JAKMIP3: variants seen among roughly 807,000 people sequenced by gnomAD.
The protein encoded by JAKMIP3 is janus kinase and microtubule-interacting protein 3.
A neutral mutation model predicts 118.5 loss-of-function variants in JAKMIP3; 58 were observed. That is an observed-to-expected ratio of 0.49 (90% confidence interval 0.40 to 0.61). The LOEUF is 0.61. Among genes scored for constraint, JAKMIP3 ranks in the 20% least tolerant of loss-of-function variants. The pLI is 0.00. For missense variants in JAKMIP3, 950 were observed against 1,109.0 expected, an observed-to-expected ratio of 0.86 and a Z score of 2.04; for synonymous variants, 486 against 451.2, an observed-to-expected ratio of 1.08 and a Z score of -0.98.
At position 132,153,016 on chromosome 10, in the gene JAKMIP3, C is replaced by T; in HGVS notation, c.2066C>T (p.Ala689Val). ...VIQARTVLTLAEKWLQQIEET... is the reference protein window; with the variant it reads ...VIQARTVLTLVEKWLQQIEET... ...CAAGCCAGGACAGTCCTGACCTTGG[C>T]CGAAAAGGTAACAGCAGCTGTGTGG... Residue 689 changes from alanine (A) to valine (V), a missense_variant, in exon 17 of 24, where the codon GCC (alanine) becomes GTC (valine). Ala to Val is a moderately conservative substitution (Grantham distance 64, BLOSUM62 0). Coordinates refer to ENST00000684848, the MANE Select transcript of JAKMIP3 (RefSeq NM_001323087.2). 2 of 1,607,000 alleles carry T rather than the reference C, an allele frequency of 1.2e-6. No homozygotes were observed. The highest frequency in any genetic ancestry group is 1.7e-6 in the Non-Finnish European group (2 of 1,176,968).
chr10:132,163,107 G>A (rs1020116114), intron 19 of JAKMIP3, 102 bp from the exon 20 acceptor site: 3 of 1,149,636 alleles, frequency 2.6e-6, no homozygotes, highest in African/African-American at 3.0e-5. Context: ...TATCCTCTTG[G>A]CCCTGCTCCC....
intron 2 of JAKMIP3, among the ~76,000 whole-genome samples, chr10:132,106,679 G>T (rs528315859): frequency 1.3e-5 from 2 of 152,232 alleles, no homozygotes; most frequent in Non-Finnish European, 2.9e-5. Context: ...CAGAGGCCCC[G>T]ACTCGCTGCA....
chr10:132,067,648 G>A (rs1198186464), intron 1 of JAKMIP3, among the ~76,000 whole-genome samples: 2 of 106,046 alleles, frequency 1.9e-5, no homozygotes, highest in African/African-American at 6.9e-5. Context: ...GTGGACTCTG[G>A]GCTTCCGTGT....
intron 1 of JAKMIP3, among the ~76,000 whole-genome samples, chr10:132,051,798 C>T (rs548398469): frequency 6.6e-5 from 10 of 152,254 alleles, no homozygotes; most frequent in South Asian, 4.2e-4. Flanking sequence ...GTAGAGATGG[C>T]GTTTCGCCAC....
intron 23 of JAKMIP3, among the ~76,000 whole-genome samples, chr10:132,174,268 C>T (rs1473656270): frequency 1.3e-5 from 2 of 152,154 alleles, no homozygotes; most frequent in African/African-American, 2.4e-5. Flanking sequence ...CTCATTGTGT[C>T]AGTTTTGCCT....
intron 3 of JAKMIP3, among the ~76,000 whole-genome samples, chr10:132,128,887 C>A (rs1218447828): frequency 6.6e-6 from 1 of 152,132 alleles, no homozygotes; most frequent in Non-Finnish European, 1.5e-5. Context: ...CTTCAATATC[C>A]TCATCATCTC....
intron 21 of JAKMIP3, among the ~76,000 whole-genome samples, chr10:132,166,261 G>A (rs535948385): frequency 6.4e-4 from 97 of 152,262 alleles, no homozygotes; most frequent in Admixed American, 4.3e-3. Context: ...GGGAGGTTGA[G>A]GCTGCAGTGA....
intron 3 of JAKMIP3, among the ~76,000 whole-genome samples, chr10:132,125,179 C>T (rs1386930042): frequency 2.0e-5 from 3 of 152,248 alleles, no homozygotes; most frequent in Non-Finnish European, 4.4e-5. Flanking sequence ...CCCTCTGTGT[C>T]GCTCAGATGC....
chr10:132,122,221 C>T (rs909116597), intron 3 of JAKMIP3, among the ~76,000 whole-genome samples: 6 of 146,834 alleles, frequency 4.1e-5, no homozygotes, highest in African/African-American at 7.8e-5. Context: ...GACTGCCCCC[C>T]GGTCGGCTCC....
In JAKMIP3 at chr10:132,180,568, C is replaced by CGTGCGTGCGTGT. The variant is rs2060769812; in HGVS notation, c.*1104-1786_*1104-1785insCGTGCGTGTGTG. 1.3e-4 allele frequency among the ~76,000 whole-genome samples: 3 copies of CGTGCGTGCGTGT among 22,314 alleles called. 1 individual carries two copies. Among genetic ancestry groups the CGTGCGTGCGTGT allele is most frequent in the Admixed American group, 1.1e-3 (2 of 1,902 alleles). The allele number at this position is 22,314 out of a possible 152,430, so 14.6% of individuals were successfully genotyped here. On this transcript the variant is annotated intron_variant, in intron 23 of 23. Transcript: ENST00000684848. ...GTGCGTGCGTGCATGCGTGTGTGTG[C>CGTGCGTGCGTGT]GTGTGTGTGTGCGTGCGCGTGTGTG...
At chr10:132,133,840 G>A (rs952334767) in intron 4 of JAKMIP3, among the ~76,000 whole-genome samples, 3 of 152,188 alleles carry the variant, frequency 2.0e-5, no homozygotes, top group African/African-American at 4.8e-5. Flanking sequence ...CCCGGAGTCC[G>A]GCCCTGGGTT....
intron 1 of JAKMIP3, among the ~76,000 whole-genome samples, chr10:132,079,555 A>G (rs1044600300): frequency 1.3e-5 from 2 of 152,268 alleles, no homozygotes; most frequent in African/African-American, 2.4e-5. Flanking sequence ...AGATTCGTAC[A>G]TGGAACACGA....
In JAKMIP3 at chr10:132,095,630, G is replaced by A. The variant is rs567052173; in HGVS notation, c.-137-9042G>A. ...GTCTGGGGGTTCTCTCGGCTTTCCC[G>A]ATTTATTCCTGCAGTCGTTCTGGAT... On this transcript the variant is annotated intron_variant, in intron 1 of 23. Coordinates refer to ENST00000684848, the MANE Select transcript of JAKMIP3 (RefSeq NM_001323087.2). 7.9e-5 allele frequency among the ~76,000 whole-genome samples: 12 copies of A among 152,286 alleles called. 1 individual carries two copies. In the South Asian group the frequency reaches 1.2e-3, roughly 16 times the overall value.
chr10:132,156,223 C>G (rs954843552), intron 19 of JAKMIP3, among the ~76,000 whole-genome samples: 1 of 152,216 alleles, frequency 6.6e-6, no homozygotes, highest in African/African-American at 2.4e-5. Context: ...TCGGCTCAGT[C>G]TCTGTCCCCC....
intron 1 of JAKMIP3, among the ~76,000 whole-genome samples, chr10:132,042,020 C>T (rs141817235): frequency 0.1 from 15,153 of 152,082 alleles, 1,005 homozygotes; most frequent in Non-Finnish European, 0.13. Context: ...GCATGTGCCA[C>T]CACACCTGGC....
At position 132,104,858 on chromosome 10, in the gene JAKMIP3, C is replaced by A. The variant is rs1460499706; in HGVS notation, c.50C>A (p.Ala17Asp). ...CGGGCCAAGGGGGACAAGGCAGAGG[C>A]CCTCGCGGCGCTGCAGGCGGCCAAC... ...SSRAKGDKAEALAALQAANED... is the reference protein window; with the variant it reads ...SSRAKGDKAEDLAALQAANED... Residue 17 changes from alanine to aspartate, a missense_variant, in exon 2 of 24, where the codon GCC becomes GAC. Physicochemically the swap from Ala to Asp is moderately radical, Grantham distance 126. Coordinates refer to ENST00000684848, the MANE Select transcript of JAKMIP3 (RefSeq NM_001323087.2). 9 of 1,558,008 alleles carry A rather than the reference C, an allele frequency of 5.8e-6. No individual in the cohort carries two copies. The highest frequency in any genetic ancestry group is 6.1e-6 in the Non-Finnish European group (7 of 1,151,150).
Position 132,156,802 on chromosome 10 carries a change from G to A in JAKMIP3, c.2220+2812G>A, listed in dbSNP as rs923777645. 5.3e-5 allele frequency among the ~76,000 whole-genome samples: 8 copies of A among 152,304 alleles called. No homozygotes were observed. The East Asian group carries it at 7.7e-4, about 15-fold the overall frequency. ...AGAGGAAAAGAGCTAAGGATTATGC[G>A]GAGGTTTTTAAATCCAGCCCACCTT... On this transcript the variant is annotated intron_variant, in intron 19 of 23. Coordinates refer to ENST00000684848, the MANE Select transcript of JAKMIP3 (RefSeq NM_001323087.2).
intron 1 of JAKMIP3, among the ~76,000 whole-genome samples, chr10:132,075,557 G>T (rs113484201): frequency 0.04 from 6,093 of 152,002 alleles, 189 homozygotes; most frequent in South Asian, 0.16. Context: ...TTACAGGCAT[G>T]CACCACCACA....
chr10:132,053,681 C>A (rs1350479979), intron 1 of JAKMIP3, among the ~76,000 whole-genome samples: 1 of 152,168 alleles, frequency 6.6e-6, no homozygotes, highest in African/African-American at 2.4e-5. Flanking sequence ...TTCCAGTCCT[C>A]ATTGTTTCCA....
Sources: gnomAD v4.1 joint callset for allele counts (sites outside exome capture counted in the v4.1 genomes callset) on GRCh38, gnomAD v4.1.1 for gene constraint, MANE v1.5 for transcripts, NCBI Gene and HGNC (gene_info 2026-07-23, HGNC 2026-07-21) for gene names.